ZNF143: variants seen among roughly 807,000 people sequenced by gnomAD.
ZNF143 encodes the protein SPH-binding factor.
A neutral mutation model predicts 74.1 loss-of-function variants in ZNF143; 49 were observed. The observed-to-expected ratio is 0.66, with a 90% confidence interval of 0.53 to 0.84. ZNF143 has a LOEUF of 0.84. Ranked by LOEUF, ZNF143 falls within the 40% of genes least tolerant of loss-of-function variation. The pLI is 0.00. For synonymous variants in ZNF143, 304 were observed against 282.8 expected (o/e 1.07, Z -0.75); for missense variants, 637 against 793.4 (o/e 0.80, Z 2.37).
In ZNF143 at chr11:9,527,707, T is replaced by A; in HGVS notation, c.*94T>A. ...CCGGGCCCAGGAAAATTAGAAGTTT[T>A]CCATTCCTGATACACTGTACACATT... On this transcript the variant is annotated 3_prime_UTR_variant, in exon 16 of 16. Coordinates refer to ENST00000396602, the MANE Select transcript of ZNF143 (RefSeq NM_003442.6). 8.6e-7 allele frequency: 1 copy of A among 1,156,326 alleles called. No individual in the cohort carries two copies. The allele number at this position is 1,156,326 out of a possible 1,614,324, so 71.6% of individuals were successfully genotyped here. A position where few individuals can be genotyped will look rare whatever the true frequency, so the allele number is the denominator to read the frequency against.
Position 9,515,425 on chromosome 11 carries a change from G to A in ZNF143, c.1525-776G>A, listed in dbSNP as rs138955746. Among the ~76,000 whole-genome samples, 356 of 151,736 alleles carry A rather than the reference G, an allele frequency of 2.3e-3. 7 individuals are homozygous for A. The highest frequency in any genetic ancestry group is 8.1e-3 in the African/African-American group (333 of 41,358). ...AGCACTTTGGGAGGCCGAGGTGGGC[G>A]GATCACAAGGTCAGGAGATCGAGAC... is the stretch of plus-strand genomic sequence containing the variant. On this transcript the variant is annotated intron_variant, in intron 13 of 15. Transcript: ENST00000396602.
At chr11:9,521,480 A>G (rs1354661527) in intron 14 of ZNF143, among the ~76,000 whole-genome samples, 2 of 151,984 alleles carry the variant, frequency 1.3e-5, no homozygotes, top group African/African-American at 4.8e-5. Context: ...GTTGTGTAAG[A>G]TTGGTATTAT....
At position 9,471,295 on chromosome 11, in the gene ZNF143, C is replaced by G. The variant is rs763566012; in HGVS notation, c.-7-7C>G. 22 of 1,587,194 alleles carry G rather than the reference C, an allele frequency of 1.4e-5. No homozygotes were observed. The highest frequency in any genetic ancestry group is 1.8e-5 in the Non-Finnish European group (21 of 1,170,108). On this transcript the variant is annotated splice_polypyrimidine_tract_variant and splice_region_variant and intron_variant, in intron 1 of 15. Coordinates refer to ENST00000396602, the MANE Select transcript of ZNF143 (RefSeq NM_003442.6). ...TTTGTTCCCAAGTGTCTTTATTTTT[C>G]TTCAAGGTAGAAGATGTTGTTAGCC...
chr11:9,492,673 T>C (rs1847825859), intron 7 of ZNF143, among the ~76,000 whole-genome samples: 1 of 152,166 alleles, frequency 6.6e-6, no homozygotes, highest in South Asian at 2.1e-4. Flanking sequence ...AAAAGAAAAA[T>C]TTCTTGTAAT....
At chr11:9,507,557 G>A (rs1467212915) in intron 11 of ZNF143, among the ~76,000 whole-genome samples, 3 of 151,998 alleles carry the variant, frequency 2.0e-5, no homozygotes, top group Non-Finnish European at 2.9e-5. Context: ...CAAGACTGAG[G>A]GCATAAGTCA....
At chr11:9,516,503 C>A in intron 14 of ZNF143, 141 bp downstream of exon 14, 1 of 755,068 alleles carries the variant, frequency 1.3e-6, no homozygotes, top group Non-Finnish European at 2.1e-6. Flanking sequence ...ACTTAACCCT[C>A]AGAGCCTGTT....
intron 1 of ZNF143, among the ~76,000 whole-genome samples, chr11:9,467,279 A>C (rs1856293487): frequency 6.7e-6 from 1 of 149,302 alleles, no homozygotes; most frequent in South Asian, 2.1e-4. Context: ...TCTGTAGCTC[A>C]GGCTGGAGTG....
At chr11:9,470,797 G>A (rs1395629519) in intron 1 of ZNF143, among the ~76,000 whole-genome samples, 2 of 152,152 alleles carry the variant, frequency 1.3e-5, no homozygotes, top group Non-Finnish European at 2.9e-5. Flanking sequence ...GTCAAAAGAA[G>A]AGTGTAGGAG....
Position 9,461,308 on chromosome 11 carries a change from G to A in ZNF143, c.-8+232G>A, listed in dbSNP as rs192767298. Among the ~76,000 whole-genome samples, 3 of 152,254 alleles carry A rather than the reference G, an allele frequency of 2.0e-5. No individual in the cohort carries two copies. In the East Asian group the frequency reaches 5.8e-4, roughly 29 times the overall value. On this transcript the variant is annotated intron_variant, in intron 1 of 15. Transcript: ENST00000396602. ...AGGCGGCGGAGCTTTTTTCGTTGAGGACTCAACTCCCCCCAGCTTGTCTCT... is the reference window on the plus strand; with the variant it reads ...AGGCGGCGGAGCTTTTTTCGTTGAGAACTCAACTCCCCCCAGCTTGTCTCT...
chr11:9,465,753 T>C (rs1006774390), intron 1 of ZNF143, among the ~76,000 whole-genome samples: 1 of 151,756 alleles, frequency 6.6e-6, no homozygotes, highest in Non-Finnish European at 1.5e-5. Context: ...AAAGGACTTA[T>C]TATTATAAGT....
chr11:9,472,312 G>T (rs1383458724), intron 2 of ZNF143, among the ~76,000 whole-genome samples: 2 of 152,092 alleles, frequency 1.3e-5, no homozygotes, highest in Non-Finnish European at 2.9e-5. Context: ...GAGGGCAGTG[G>T]CACAATCTCG....
At chr11:9,525,162 T>G in intron 14 of ZNF143, 78 bp from the exon 15 acceptor site, 1 of 1,516,588 alleles carries the variant, frequency 6.6e-7, no homozygotes, top group Non-Finnish European at 9.1e-7. Flanking sequence ...AAGAAATCCA[T>G]TGTATTAAGT....
At chr11:9,513,037 G>A (rs768818951) in intron 13 of ZNF143, among the ~76,000 whole-genome samples, 8 of 152,118 alleles carry the variant, frequency 5.3e-5, no homozygotes, top group Admixed American at 2.0e-4. Flanking sequence ...TCACAGAGTC[G>A]GTAGAATAGG....
chr11:9,524,835 TA>T (rs1849067859), intron 14 of ZNF143, among the ~76,000 whole-genome samples: 2 of 151,974 alleles, frequency 1.3e-5, no homozygotes, highest in Admixed American at 1.3e-4. Flanking sequence ...ATACGACAAG[TA>T]AAGAGGAAAA....
chr11:9,512,729 A>C (rs1848594779), intron 13 of ZNF143, 133 bp downstream of exon 13: 1 of 1,036,848 alleles, frequency 9.6e-7, no homozygotes, highest in African/African-American at 1.6e-5. Flanking sequence ...GTTTTTCAGT[A>C]GTCTGCTTAC....
chr11:9,509,074 C>T (rs528032109), intron 12 of ZNF143, among the ~76,000 whole-genome samples: 4 of 152,056 alleles, frequency 2.6e-5, no homozygotes, highest in Non-Finnish European at 5.9e-5. Flanking sequence ...TTGGAGAGAT[C>T]TTGAGGTTGA....
intron 7 of ZNF143, among the ~76,000 whole-genome samples, chr11:9,484,098 T>G (rs1343413804): frequency 6.6e-6 from 1 of 151,592 alleles, no homozygotes; most frequent in African/African-American, 2.4e-5. Context: ...TTATTATATT[T>G]CTCTTCATTA....
At chr11:9,483,204 G>A (rs1022116163) in intron 7 of ZNF143, among the ~76,000 whole-genome samples, 1 of 149,906 alleles carries the variant, frequency 6.7e-6, no homozygotes, top group Non-Finnish European at 1.5e-5. Context: ...ATGTTGACCA[G>A]GTTGGTCTCG....
At chr11:9,481,848 A>G (rs1376271701) in intron 7 of ZNF143, among the ~76,000 whole-genome samples, 1 of 148,232 alleles carries the variant, frequency 6.7e-6, no homozygotes, top group African/African-American at 2.5e-5. Flanking sequence ...AGATTGTGCC[A>G]CTGCACCCCA....
Sources: allele counts gnomAD v4.1 joint callset (sites outside exome capture counted in the v4.1 genomes callset), GRCh38; gene constraint gnomAD v4.1.1; transcripts MANE v1.5; gene names NCBI Gene and HGNC (gene_info 2026-07-23, HGNC 2026-07-21).